Variants in CAMK2D observed in about 807,000 individuals in gnomAD.
CAMK2D encodes calcium/calmodulin-dependent protein kinase type II subunit delta.
Under a neutral mutation model 84.0 loss-of-function variants are expected in CAMK2D, and 37 were observed. The observed-to-expected ratio is 0.44, with a 90% CI of 0.34 to 0.58. The LOEUF (loss-of-function observed/expected upper bound fraction) is 0.58, where lower values mean the gene tolerates loss of function less well. Ranked by LOEUF, CAMK2D falls within the 20% of genes least tolerant of loss-of-function variation. CAMK2D has a pLI of 0.02. For missense variants in CAMK2D, 448 were observed against 652.5 expected (o/e 0.69, Z 3.41); for synonymous variants, 202 against 212.5 (o/e 0.95, Z 0.43).
rs376811917 is a variant in CAMK2D at position 113,760,944 on chromosome 4, G to A, written c.65+60C>T. 659 of 1,604,970 alleles carry A rather than the reference G, an allele frequency of 4.1e-4. 3 individuals carry two copies. In the African/African-American group the frequency reaches 7.7e-3, roughly 19 times the overall value. On this transcript the variant is annotated intron_variant, in intron 1 of 20. Coordinates refer to ENST00000511664, the MANE Select transcript of CAMK2D (RefSeq NM_001321571.2). ...CAAGACGGAGGCCGGTGGGTCGGGG[G>A]CAACGCGACCCGCCCTCAGCTGGAA...
chr4:113,678,999 T>C (rs2099329592), intron 2 of CAMK2D, among the ~76,000 whole-genome samples: 1 of 152,160 alleles, frequency 6.6e-6, no homozygotes. Context: ...CTATTCTGAT[T>C]TCTAATAGCA....
chr4:113,695,328 G>A (rs1163965532), intron 2 of CAMK2D, among the ~76,000 whole-genome samples: 1 of 152,058 alleles, frequency 6.6e-6, no homozygotes, highest in Non-Finnish European at 1.5e-5. Flanking sequence ...ATATTGACAA[G>A]CCTGAATTTT....
intron 8 of CAMK2D, among the ~76,000 whole-genome samples, chr4:113,530,013 A>C (rs1004893843): frequency 3.3e-5 from 5 of 152,214 alleles, no homozygotes; most frequent in Admixed American, 3.3e-4. Context: ...GAAACACAGC[A>C]ATCTGTCATT....
At position 113,735,289 on chromosome 4, in the gene CAMK2D, GAAAAAAAAAAAAAAAAAAAAAA is replaced by G. The variant is rs769117708; in HGVS notation, c.160+24009_160+24030del. The stretch of plus-strand genomic sequence containing the variant: ...CAACATGGCAAAACCATCTCTACAG[GAAAAAAAAAAAAAAAAAAAAAA>G]AAAAAAAAAAAAAATTAGCTGGGCA... On this transcript the variant is annotated intron_variant, in intron 2 of 20. Transcript: ENST00000511664. 6.6e-3 allele frequency among the ~76,000 whole-genome samples: 297 copies of G among 44,794 alleles called. 2 individuals are homozygous for G. Among genetic ancestry groups the G allele is most frequent in the Admixed American group, 0.021 (58 of 2,712 alleles). 29.4% of individuals were successfully genotyped at this position (44,794 alleles called of 152,430 possible). A position where few individuals can be genotyped will look rare whatever the true frequency, so the allele number is the denominator to read the frequency against.
intron 8 of CAMK2D, among the ~76,000 whole-genome samples, chr4:113,528,500 T>TAAAC (rs1041467591): frequency 6.6e-6 from 1 of 151,836 alleles, no homozygotes; most frequent in Non-Finnish European, 1.5e-5. Context: ...CAAGGAGAGA[T>TAAAC]AAACACAAAG....
In CAMK2D at chr4:113,502,963, A is replaced by C; in HGVS notation, c.1059T>G (p.Thr353=). ...IPTPALEPQT[T]VIHNPDGNKE... ...TGTTTCCATCAGGGTTGTGGATTAC[A>C]GTAGTTTGGGGCTCCTGAGTGAGAA... Residue 353 remains threonine, a synonymous_variant, in exon 15 of 21, where the codon ACT becomes ACG. Coordinates refer to ENST00000511664, the MANE Select transcript of CAMK2D (RefSeq NM_001321571.2). The C allele has an allele frequency of 1.9e-6, 3 of 1,608,530 alleles. No individual in the cohort carries two copies. Among genetic ancestry groups the C allele is most frequent in the Non-Finnish European group, 2.6e-6 (3 of 1,175,016 alleles).
intron 4 of CAMK2D, among the ~76,000 whole-genome samples, chr4:113,592,010 C>G (rs1410240750): frequency 6.6e-6 from 1 of 152,106 alleles, no homozygotes; most frequent in Non-Finnish European, 1.5e-5. Context: ...TAGTACTTAG[C>G]AAAGTTCTTT....
At chr4:113,748,181 T>C (rs1374702200) in intron 2 of CAMK2D, among the ~76,000 whole-genome samples, 1 of 152,154 alleles carries the variant, frequency 6.6e-6, no homozygotes, top group African/African-American at 2.4e-5. Flanking sequence ...TTTATCAACC[T>C]GAATGGTAAT....
At chr4:113,565,626 G>A (rs1268682960) in intron 4 of CAMK2D, among the ~76,000 whole-genome samples, 1 of 151,022 alleles carries the variant, frequency 6.6e-6, no homozygotes, top group Non-Finnish European at 1.5e-5. Flanking sequence ...ACTCCAGCCT[G>A]GGAGACACAG....
chr4:113,585,252 G>GATTA (rs942426102), intron 4 of CAMK2D, among the ~76,000 whole-genome samples: 1 of 152,008 alleles, frequency 6.6e-6, no homozygotes, highest in Admixed American at 6.6e-5. Context: ...AAGAGTAATT[G>GATTA]ATTAATTAAT....
intron 2 of CAMK2D, among the ~76,000 whole-genome samples, chr4:113,730,342 A>G (rs2099562556): frequency 6.6e-6 from 1 of 152,206 alleles, no homozygotes; most frequent in Non-Finnish European, 1.5e-5. Flanking sequence ...TCAAAATAAT[A>G]TGATGAATTA....
At chr4:113,746,483 G>A (rs1203140062) in intron 2 of CAMK2D, among the ~76,000 whole-genome samples, 2 of 152,028 alleles carry the variant, frequency 1.3e-5, no homozygotes, top group Non-Finnish European at 2.9e-5. Flanking sequence ...ACTAAATGGA[G>A]GATACAGTGT....
At chr4:113,734,987 A>G (rs73844666) in intron 2 of CAMK2D, among the ~76,000 whole-genome samples, 2,189 of 151,950 alleles carry the variant, frequency 0.014, 53 homozygotes, top group African/African-American at 0.05. Context: ...TATAATCACC[A>G]AATGAGTAAA....
chr4:113,502,948 A>G lies in CAMK2D; in HGVS notation c.1074T>C (p.Pro358=), dbSNP rs749890057. 2.9e-5 allele frequency: 47 copies of G among 1,606,948 alleles called. No homozygotes were observed. Among genetic ancestry groups the G allele is most frequent in the Non-Finnish European group, 3.7e-5 (44 of 1,173,562 alleles). ...TCTTTCTGAATACCTTGTTTCCATCAGGGTTGTGGATTACAGTAGTTTGGG... is the reference window on the plus strand; with the variant it reads ...TCTTTCTGAATACCTTGTTTCCATCGGGGTTGTGGATTACAGTAGTTTGGG... The part of the protein sequence containing the change: ...LEPQTTVIHN[P]DGNKESTESS... Residue 358 remains proline, a synonymous_variant, in exon 15 of 21, where the codon CCT becomes CCC. Transcript: ENST00000511664.
At chr4:113,555,794 A>T (rs1437521111) in intron 4 of CAMK2D, among the ~76,000 whole-genome samples, 1 of 152,050 alleles carries the variant, frequency 6.6e-6, no homozygotes, top group Non-Finnish European at 1.5e-5. Context: ...CTCCCCAATT[A>T]ATAGGTTAAA....
intron 4 of CAMK2D, among the ~76,000 whole-genome samples, chr4:113,571,844 T>C (rs1464364492): frequency 6.6e-6 from 1 of 152,328 alleles, no homozygotes; most frequent in Middle Eastern, 3.4e-3. Flanking sequence ...ATTCTTTCAA[T>C]GTGAGACACG....
intron 3 of CAMK2D, among the ~76,000 whole-genome samples, chr4:113,629,117 T>C (rs1272749214): frequency 6.6e-6 from 1 of 152,162 alleles, no homozygotes; most frequent in African/African-American, 2.4e-5. Flanking sequence ...CCCTCAATTA[T>C]ATAATTCATT....
chr4:113,692,537 A>G (rs1177807443), intron 2 of CAMK2D, among the ~76,000 whole-genome samples: 1 of 152,000 alleles, frequency 6.6e-6, no homozygotes, highest in East Asian at 1.9e-4. Flanking sequence ...CATATATCAT[A>G]CATACATATA....
At chr4:113,634,661 A>G (rs2099103062) in intron 3 of CAMK2D, among the ~76,000 whole-genome samples, 1 of 152,202 alleles carries the variant, frequency 6.6e-6, no homozygotes, top group Non-Finnish European at 1.5e-5. Context: ...TAGAATTAGC[A>G]CTAGAGCGTT....
Sources: allele counts gnomAD v4.1 joint callset (sites outside exome capture counted in the v4.1 genomes callset), GRCh38; gene constraint gnomAD v4.1.1; transcripts MANE v1.5; gene names NCBI Gene and HGNC (gene_info 2026-07-23, HGNC 2026-07-21).